Variants in ZFYVE27 observed in about 807,000 individuals in gnomAD.
ZFYVE27 encodes the protein zinc finger FYVE-type containing 27, also known as protrudin.
Under a neutral mutation model 52.8 loss-of-function variants are expected in ZFYVE27, and 36 were observed. The ratio of observed to expected loss-of-function variants is 0.68; its 90% confidence interval spans 0.52 to 0.90. The LOEUF is 0.90. ZFYVE27 is among the 40% of genes least tolerant of loss of function. ZFYVE27 has a pLI of 0.00. For synonymous variants in ZFYVE27, 223 were observed against 215.6 expected, an observed-to-expected ratio of 1.03 and a Z score of -0.30; for missense variants, 450 against 527.2, an observed-to-expected ratio of 0.85 and a Z score of 1.43.
At chr10:97,738,742 C>G in intron 2 of ZFYVE27, 68 bp downstream of exon 2, 1 of 1,577,000 alleles carries the variant, frequency 6.3e-7, no homozygotes, top group Non-Finnish European at 8.7e-7. Context: ...GTAACTAACA[C>G]TGACCATTTA....
intron 4 of ZFYVE27, among the ~76,000 whole-genome samples, chr10:97,747,241 C>T (rs888427812): frequency 2.6e-5 from 4 of 152,100 alleles, no homozygotes; most frequent in Admixed American, 6.6e-5. Flanking sequence ...TCAGTACATC[C>T]GTATCAGGAG....
chr10:97,743,279 T>TC, intron 3 of ZFYVE27, 115 bp downstream of exon 3: 1 of 1,219,836 alleles, frequency 8.2e-7, no homozygotes, highest in South Asian at 1.2e-5. Flanking sequence ...GAGTTAGTGT[T>TC]CCTCTGTGTC....
chr10:97,744,313 G>A (rs1056151909), intron 3 of ZFYVE27, among the ~76,000 whole-genome samples: 1 of 152,234 alleles, frequency 6.6e-6, no homozygotes, highest in Non-Finnish European at 1.5e-5. Flanking sequence ...CTGAACGAAA[G>A]GCTTCTAGCT....
intron 2 of ZFYVE27, among the ~76,000 whole-genome samples, chr10:97,742,719 T>C (rs1360131921): frequency 1.3e-5 from 2 of 152,202 alleles, no homozygotes; most frequent in Non-Finnish European, 1.5e-5. Context: ...TATATTCTTA[T>C]GAAATTATAA....
chr10:97,757,837 C>T (rs1448205375), intron 12 of ZFYVE27, 114 bp downstream of exon 12: 16 of 1,033,092 alleles, frequency 1.5e-5, no homozygotes, highest in Middle Eastern at 4.7e-4. Flanking sequence ...TGTAGTCAGG[C>T]CTACGGGAAC....
chr10:97,746,796 C>G (rs1353525050), intron 4 of ZFYVE27, among the ~76,000 whole-genome samples: 1 of 151,672 alleles, frequency 6.6e-6, no homozygotes, highest in Non-Finnish European at 1.5e-5. Context: ...CTCAAGTGAT[C>G]CTTCTGCCTC....
Position 97,743,095 on chromosome 10 carries a change from T to G in ZFYVE27, c.199T>G (p.Trp67Gly). 3 of 1,614,234 alleles carry G rather than the reference T, an allele frequency of 1.9e-6. No homozygotes were observed. The highest frequency in any genetic ancestry group is 1.1e-5 in the South Asian group (1 of 91,082). The change falls in exon 3 of 13, where the codon TGG becomes GGG. Residue 67 changes from tryptophan to glycine, a missense_variant and splice_region_variant. Trp to Gly is a radical substitution (Grantham distance 184). Transcript: ENST00000684270. ...AGDGVRYLLRWQMPLCSLLTC... is the reference protein window; with the variant it reads ...AGDGVRYLLRGQMPLCSLLTC... ...TGATCAGGACTCTCTGTATTGTAGG[T>G]GGCAGATGCCTTTGTGTTCCTTGCT...
rs1196439164 is a variant in ZFYVE27, at chr10:97,759,137, G to A, written c.1172-99G>A. On this transcript the variant is annotated intron_variant, in intron 12 of 12. Coordinates refer to ENST00000684270, the MANE Select transcript of ZFYVE27 (RefSeq NM_001385875.1). ...GGCAGGGAGGGTGTGGGCTGGGTGG[G>A]GGGTCTGTGTGGGGCATTTGGGAGG... 3.1e-6 allele frequency: 4 copies of A among 1,286,580 alleles called. No homozygotes were observed. The East Asian group carries it at 9.4e-5, about 30-fold the overall frequency. The allele number at this position is 1,286,580 out of a possible 1,614,324, so 79.7% of individuals were successfully genotyped here.
Position 97,755,472 on chromosome 10 carries a change from C to T in ZFYVE27, c.1043-1793C>T, listed in dbSNP as rs560638376. On this transcript the variant is annotated intron_variant, in intron 10 of 12. Transcript: ENST00000684270. ...AGGTTCTGGTGAGGTCCATTTCCGT[C>T]GTCATAGACAGCACCTTCTCACTGT... Among the ~76,000 whole-genome samples, 68 of 152,320 alleles carry T rather than the reference C, an allele frequency of 4.5e-4. 1 individual carries two copies. Among genetic ancestry groups the T allele is most frequent in the Middle Eastern group, 3.4e-3 (1 of 294 alleles).
Position 97,738,523 on chromosome 10 carries a change from A to G in ZFYVE27, c.46A>G (p.Ser16Gly), listed in dbSNP as rs1215400003. ...REGSGPELSP[S>G]VMPEAPLESP... ...GGGGAGTGGGCCGGAGCTGAGCCCC[A>G]GCGTGATGCCCGAGGCTCCCCTGGA... is the stretch of plus-strand genomic sequence containing the variant. The change falls in exon 2 of 13, where the codon AGC becomes GGC. Residue 16 changes from serine (S) to glycine (G), a missense_variant. Transcript: ENST00000684270. 6.2e-7 allele frequency: 1 copy of G among 1,614,202 alleles called. No individual in the cohort carries two copies. Among genetic ancestry groups the G allele is most frequent in the Admixed American group, 1.7e-5 (1 of 60,036 alleles).
chr10:97,759,576 G>A lies in ZFYVE27; in HGVS notation c.*276G>A, dbSNP rs1406164367. On this transcript the variant is annotated 3_prime_UTR_variant, in exon 13 of 13. Transcript: ENST00000684270. ...TGCTCTGCCTGGGACTGAGCGAGTG[G>A]ACTTAGGGCTGGGCAGGCAGTAGCC... is the stretch of plus-strand genomic sequence containing the variant. 1.3e-5 allele frequency: 7 copies of A among 521,700 alleles called. No individual in the cohort carries two copies. Among genetic ancestry groups the A allele is most frequent in the Non-Finnish European group, 2.4e-5 (7 of 286,404 alleles). 32.3% of individuals were successfully genotyped at this position (521,700 alleles called of 1,614,324 possible). A position where few individuals can be genotyped will look rare whatever the true frequency, so the allele number is the denominator to read the frequency against.
intron 10 of ZFYVE27, among the ~76,000 whole-genome samples, chr10:97,755,456 T>G (rs1458220881): frequency 6.6e-6 from 1 of 152,174 alleles, no homozygotes; most frequent in Non-Finnish European, 1.5e-5. Context: ...CAGGTTCTGG[T>G]GAGGTCCATT....
intron 5 of ZFYVE27, 133 bp downstream of exon 5, chr10:97,748,497 G>GCAGA: frequency 1.2e-6 from 1 of 805,978 alleles, no homozygotes; most frequent in Non-Finnish European, 2.1e-6. Context: ...GCTCTTGTGT[G>GCAGA]TATATCTGCA....
Position 97,752,502 on chromosome 10 carries a change from G to A in ZFYVE27, c.877-355G>A, listed in dbSNP as rs78814347. Among the ~76,000 whole-genome samples the A allele has an allele frequency of 5.6e-3, 851 of 152,296 alleles. 9 individuals carry two copies. Among genetic ancestry groups the A allele is most frequent in the African/African-American group, 0.02 (827 of 41,556 alleles). On this transcript the variant is annotated intron_variant, in intron 8 of 12. Coordinates refer to ENST00000684270, the MANE Select transcript of ZFYVE27 (RefSeq NM_001385875.1). ...TAGTAAGGAACACATTTTGCATCTT[G>A]ACCCAGGTCACACTTAGGTCTATAA...
intron 10 of ZFYVE27, among the ~76,000 whole-genome samples, chr10:97,754,189 A>G (rs915350998): frequency 6.6e-6 from 1 of 152,124 alleles, no homozygotes; most frequent in Non-Finnish European, 1.5e-5. Context: ...AATTTGACTC[A>G]GGGCCCCCAG....
At chr10:97,754,668 A>G (rs2047896240) in intron 10 of ZFYVE27, 3 of 1,288,894 alleles carry the variant, frequency 2.3e-6, no homozygotes, top group Non-Finnish European at 3.0e-6. Context: ...CTGTATGTTC[A>G]GTGATCTGTT....
rs924793127 is a variant in ZFYVE27, at chr10:97,743,291, G to T, written c.268+127G>T. 27 of 1,147,690 alleles carry T rather than the reference G, an allele frequency of 2.4e-5. No individual in the cohort carries two copies. In the African/African-American group the frequency reaches 3.9e-4, roughly 17 times the overall value. The allele number at this position is 1,147,690 out of a possible 1,614,324, so 71.1% of individuals were successfully genotyped here. On this transcript the variant is annotated intron_variant, in intron 3 of 12. Coordinates refer to ENST00000684270, the MANE Select transcript of ZFYVE27 (RefSeq NM_001385875.1). ...CTGGAGTTAGTGTTCCTCTGTGTCT[G>T]CTTGGAGTCAGAAACAGCCTCCAGA...
rs2048600804 is a variant in ZFYVE27, at chr10:97,757,262, C to T, written c.1043-3C>T. 6.2e-7 allele frequency: 1 copy of T among 1,614,096 alleles called. No homozygotes were observed. On this transcript the variant is annotated splice_polypyrimidine_tract_variant and splice_region_variant and intron_variant, in intron 10 of 12. Coordinates refer to ENST00000684270, the MANE Select transcript of ZFYVE27 (RefSeq NM_001385875.1). ...GGGTTGAGCTGCTGCCTCTGTTTCT[C>T]AGGGAACTGCACGGGCTGCTCGGCC... is the stretch of plus-strand genomic sequence containing the variant.
chr10:97,751,441 A>G lies in ZFYVE27; in HGVS notation c.855A>G (p.Glu285=). Residue 285 remains glutamate, a synonymous_variant, in exon 8 of 13, where the codon GAA becomes GAG. Transcript: ENST00000684270. ...VEEAEEAEPD[E]EFKDAIEETH... ...AGGCTGAGGAGGCTGAGCCAGATGA[A>G]GAGTTTAAAGATGCGATTGAGGTGG... 6.2e-7 allele frequency: 1 copy of G among 1,613,916 alleles called. No homozygotes were observed. Among genetic ancestry groups the G allele is most frequent in the Non-Finnish European group, 8.5e-7 (1 of 1,179,850 alleles).
Sources: gnomAD v4.1 joint callset for allele counts (sites outside exome capture counted in the v4.1 genomes callset) on GRCh38, gnomAD v4.1.1 for gene constraint, MANE v1.5 for transcripts, NCBI Gene and HGNC (gene_info 2026-07-23, HGNC 2026-07-21) for gene names.